The following TWSG1 variants were observed in gnomAD, a reference collection of about 807,000 sequenced individuals.
TWSG1 encodes twisted gastrulation protein homolog 1.
In TWSG1, 15 loss-of-function variants were observed where a neutral mutation model predicts 23.0. The observed-to-expected ratio is 0.65, with a 90% CI of 0.44 to 1.00. The LOEUF (loss-of-function observed/expected upper bound fraction) is 1.00, where lower values mean the gene tolerates loss of function less well. TWSG1 is among the 50% of genes least tolerant of loss of function. The pLI is 0.00. For missense variants in TWSG1, 242 were observed against 278.7 expected (o/e 0.87, Z 0.94); for synonymous variants, 86 against 92.8 (o/e 0.93, Z 0.42).
At chr18:9,377,630 C>T (rs552492171) in intron 3 of TWSG1, among the ~76,000 whole-genome samples, 3 of 152,232 alleles carry the variant, frequency 2.0e-5, no homozygotes, top group African/African-American at 7.2e-5. Context: ...AGATCACAGA[C>T]CTAAATAAAT....
At chr18:9,336,395 GAAA>G (rs879273666) in intron 1 of TWSG1, among the ~76,000 whole-genome samples, 1 of 113,996 alleles carries the variant, frequency 8.8e-6, no homozygotes, top group Non-Finnish European at 1.9e-5. Context: ...ACGTCTAAAA[GAAA>G]AAAAAAAAAA....
At chr18:9,377,875 C>T (rs766907755) in intron 3 of TWSG1, among the ~76,000 whole-genome samples, 1 of 152,096 alleles carries the variant, frequency 6.6e-6, no homozygotes, top group Non-Finnish European at 1.5e-5. Context: ...TGTGCCACCA[C>T]GCCTGGCTAA....
chr18:9,341,459 C>T (rs2040446083), intron 2 of TWSG1, among the ~76,000 whole-genome samples: 1 of 152,140 alleles, frequency 6.6e-6, no homozygotes, highest in African/African-American at 2.4e-5. Context: ...GGGAAAACCG[C>T]TTTTAATCTA....
Position 9,337,302 on chromosome 18 carries a change from A to C in TWSG1, c.73A>C (p.Ser25Arg). Residue 25 changes from serine (S) to arginine (R), a missense_variant, in exon 2 of 5, where the codon AGC becomes CGC. Ser to Arg is a moderately radical substitution (Grantham distance 110). Transcript: ENST00000262120. The part of the protein sequence containing the change: ...MFLTWLPESL[S>R]CNKALCASDV... ...CCTGACATGGCTTCCAGAATCACTG[A>C]GCTGTAACAAAGCACTCTGTGCTAG... The C allele has an allele frequency of 6.2e-7, 1 of 1,613,708 alleles. No individual in the cohort carries two copies. Among genetic ancestry groups the C allele is most frequent in the Non-Finnish European group, 8.5e-7 (1 of 1,179,998 alleles).
chr18:9,365,780 C>T (rs1568035188), intron 3 of TWSG1, among the ~76,000 whole-genome samples: 2 of 152,094 alleles, frequency 1.3e-5, no homozygotes, highest in Non-Finnish European at 1.5e-5. Context: ...GTGGGAGGAT[C>T]GCATGAGCAC....
chr18:9,335,577 C>T (rs2040419337), intron 1 of TWSG1, among the ~76,000 whole-genome samples: 1 of 152,148 alleles, frequency 6.6e-6, no homozygotes, highest in Non-Finnish European at 1.5e-5. Flanking sequence ...AAAACTAGTT[C>T]CACGACAGTT....
At chr18:9,339,843 A>G (rs897685194) in intron 2 of TWSG1, among the ~76,000 whole-genome samples, 4 of 152,054 alleles carry the variant, frequency 2.6e-5, no homozygotes, top group Admixed American at 6.5e-5. Context: ...TTCAAAATGT[A>G]AAGAGTACTA....
intron 2 of TWSG1, among the ~76,000 whole-genome samples, chr18:9,346,056 A>G (rs942369774): frequency 5.3e-5 from 8 of 152,212 alleles, no homozygotes; most frequent in African/African-American, 1.9e-4. Context: ...GGGTTTTGAC[A>G]AATGCATAAT....
chr18:9,357,704 ACAGCATATTGCTACCCC>A (rs1238942058), intron 2 of TWSG1, among the ~76,000 whole-genome samples: 1 of 152,236 alleles, frequency 6.6e-6, no homozygotes, highest in Non-Finnish European at 1.5e-5. Flanking sequence ...ACAGTTGCTG[ACAGCATATTGCTACCCC>A]AAACAAACAA....
intron 3 of TWSG1, among the ~76,000 whole-genome samples, chr18:9,364,777 G>A (rs769380926): frequency 4.0e-5 from 6 of 151,744 alleles, no homozygotes; most frequent in Non-Finnish European, 8.8e-5. Context: ...CTGGGTGACA[G>A]AGGGAGACTC....
chr18:9,341,166 G>A (rs1486498620), intron 2 of TWSG1, among the ~76,000 whole-genome samples: 3 of 152,202 alleles, frequency 2.0e-5, no homozygotes, highest in Admixed American at 6.5e-5. Context: ...TGTTGGAGGA[G>A]TGACAGTGTC....
chr18:9,344,527 A>ATG (rs2040466355), intron 2 of TWSG1, among the ~76,000 whole-genome samples: 4 of 35,030 alleles, frequency 1.1e-4, no homozygotes, highest in Non-Finnish European at 1.9e-4. Flanking sequence ...GTGTGTATGT[A>ATG]TGTATTTTTT....
intron 4 of TWSG1, among the ~76,000 whole-genome samples, chr18:9,399,039 C>A (rs1213459442): frequency 1.3e-5 from 2 of 151,862 alleles, no homozygotes; most frequent in African/African-American, 2.4e-5. Flanking sequence ...AGTTTAAAAG[C>A]ACAGCTGTAT....
At chr18:9,346,845 T>C (rs2040479485) in intron 2 of TWSG1, among the ~76,000 whole-genome samples, 1 of 152,216 alleles carries the variant, frequency 6.6e-6, no homozygotes, top group Admixed American at 6.5e-5. Flanking sequence ...GGCTAAATAC[T>C]AAGGAGTGTA....
In TWSG1 at chr18:9,334,826, C is replaced by T. The variant is rs1175130486; in HGVS notation, c.-132C>T. ...CTGAGGGGACGGCGGGAGGCGCGGC[C>T]TGGCCTCGCACTCAAAGCCGCCGCA... On this transcript the variant is annotated 5_prime_UTR_variant, in exon 1 of 5. Transcript: ENST00000262120. The surrounding 1 kb of genome is among the most constrained non-coding windows in gnomAD (Gnocchi z 4.7). 1 of 151,966 alleles carries T rather than the reference C, an allele frequency of 6.6e-6. No homozygotes were observed. Among genetic ancestry groups the T allele is most frequent in the Non-Finnish European group, 1.5e-5 (1 of 68,104 alleles). The allele number at this position is 151,966 out of a possible 1,614,324, so 9.4% of individuals were successfully genotyped here. A position where few individuals can be genotyped will look rare whatever the true frequency, so the allele number is the denominator to read the frequency against.
At chr18:9,369,124 CAAACAAAT>C (rs985635205) in intron 3 of TWSG1, among the ~76,000 whole-genome samples, 43 of 91,912 alleles carry the variant, frequency 4.7e-4, no homozygotes, top group African/African-American at 5.0e-4. Flanking sequence ...AACAAACAAA[CAAACAAAT>C]AAATAAATAA....
intron 3 of TWSG1, among the ~76,000 whole-genome samples, chr18:9,371,214 T>G (rs2040603468): frequency 6.6e-6 from 1 of 152,142 alleles, no homozygotes; most frequent in Admixed American, 6.5e-5. Context: ...TTACTTTTTG[T>G]TTTTAGTATT....
chr18:9,369,818 A>T (rs1364102691), intron 3 of TWSG1, among the ~76,000 whole-genome samples: 3 of 152,182 alleles, frequency 2.0e-5, no homozygotes, highest in Admixed American at 1.3e-4. Flanking sequence ...GGCGTGAGCC[A>T]CCATGCCCAG....
intron 3 of TWSG1, among the ~76,000 whole-genome samples, chr18:9,377,175 A>G (rs529599609): frequency 1.3e-5 from 2 of 152,180 alleles, no homozygotes; most frequent in Non-Finnish European, 2.9e-5. Flanking sequence ...CAAAGGAGCA[A>G]AGGTAATACA....
Sources: gnomAD v4.1 joint callset for allele counts (sites outside exome capture counted in the v4.1 genomes callset) on GRCh38, gnomAD v4.1.1 for gene constraint, Gnocchi (gnomAD v3.1) non-coding constraint, MANE v1.5 for transcripts, NCBI Gene and HGNC (gene_info 2026-07-23, HGNC 2026-07-21) for gene names.